ADGRL3: variants seen among roughly 807,000 people sequenced by gnomAD.
ADGRL3 encodes adhesion G protein-coupled receptor L3.
Under a neutral mutation model 153.5 loss-of-function variants are expected in ADGRL3, and 62 were observed. The observed-to-expected ratio is 0.40, with a 90% CI of 0.33 to 0.50. ADGRL3 has a LOEUF of 0.50. ADGRL3 is among the 20% of genes least tolerant of loss of function. The pLI is 0.47. For missense variants in ADGRL3, 1,641 were observed against 1,859.4 expected (o/e 0.88, Z 2.16); for synonymous variants, 710 against 672.5 (o/e 1.06, Z -0.86).
intron 1 of ADGRL3, among the ~76,000 whole-genome samples, chr4:61,203,962 A>C (rs954360006): frequency 6.6e-6 from 1 of 151,886 alleles, no homozygotes; most frequent in African/African-American, 2.4e-5. Context: ...TACATAGATA[A>C]ACACAGTTTA....
chr4:61,520,336 A>G (rs184144009), intron 4 of ADGRL3, among the ~76,000 whole-genome samples: 1 of 152,102 alleles, frequency 6.6e-6, no homozygotes, highest in African/African-American at 2.4e-5. Flanking sequence ...CAGCTGCATT[A>G]AAAAAGTTCA....
At chr4:61,726,199 CT>C (rs1012113549) in intron 6 of ADGRL3, among the ~76,000 whole-genome samples, 7 of 82,908 alleles carry the variant, frequency 8.4e-5, no homozygotes, top group African/African-American at 2.7e-4. Context: ...CTCACTGGAA[CT>C]TTTTTTTTTG....
At chr4:61,857,526 C>T (rs922248804) in intron 9 of ADGRL3, among the ~76,000 whole-genome samples, 4 of 151,636 alleles carry the variant, frequency 2.6e-5, no homozygotes, top group Non-Finnish European at 5.9e-5. Flanking sequence ...AAAACAGCCT[C>T]GAAGAGTGAT....
At chr4:61,833,762 C>T (rs1038639077) in intron 9 of ADGRL3, among the ~76,000 whole-genome samples, 11 of 152,028 alleles carry the variant, frequency 7.2e-5, no homozygotes, top group Non-Finnish European at 1.6e-4. Context: ...GCAAACTAGT[C>T]CCCAGGCAAG....
At chr4:61,930,437 G>A (rs2098813136) in intron 13 of ADGRL3, among the ~76,000 whole-genome samples, 1 of 152,002 alleles carries the variant, frequency 6.6e-6, no homozygotes, top group East Asian at 1.9e-4. Flanking sequence ...ACATCCTCTT[G>A]GAATAATGAC....
chr4:61,858,043 T>C (rs1268577699), intron 9 of ADGRL3, among the ~76,000 whole-genome samples: 1 of 152,182 alleles, frequency 6.6e-6, no homozygotes, highest in Non-Finnish European at 1.5e-5. Flanking sequence ...TGACTTCTCA[T>C]TATTGAAAGG....
intron 4 of ADGRL3, among the ~76,000 whole-genome samples, chr4:61,547,962 A>G (rs1406104561): frequency 6.6e-6 from 1 of 151,610 alleles, no homozygotes; most frequent in Non-Finnish European, 1.5e-5. Context: ...TGGTGTAAGA[A>G]GGTGGTTTTG....
chr4:61,865,305 T>G (rs1411198871), intron 9 of ADGRL3, among the ~76,000 whole-genome samples: 2 of 152,166 alleles, frequency 1.3e-5, no homozygotes, highest in Admixed American at 1.3e-4. Flanking sequence ...TGAAAGAAAT[T>G]ATTAGGCTTT....
rs1039636604 is a variant in ADGRL3, at chr4:61,415,409, A to T, written c.-174+32220A>T. On this transcript the variant is annotated intron_variant, in intron 2 of 26. Transcript: ENST00000683033. Reference sequence around the variant, plus strand: ...CTAAGGAAAGATAATTTGTTTTCCAACACAGTGTATCCAAAATAATTTCTG... The same window carrying T: ...CTAAGGAAAGATAATTTGTTTTCCATCACAGTGTATCCAAAATAATTTCTG... 4.6e-5 allele frequency among the ~76,000 whole-genome samples: 7 copies of T among 152,182 alleles called. No homozygotes were observed. In the South Asian group the frequency reaches 8.3e-4, roughly 18 times the overall value.
intron 1 of ADGRL3, among the ~76,000 whole-genome samples, chr4:61,224,697 C>T (rs1265691737): frequency 6.6e-6 from 1 of 152,152 alleles, no homozygotes; most frequent in Non-Finnish European, 1.5e-5. Context: ...TGAACTTGGT[C>T]CAGACTCAGC....
At chr4:61,296,046 A>G (rs1330659706) in intron 1 of ADGRL3, among the ~76,000 whole-genome samples, 1 of 152,176 alleles carries the variant, frequency 6.6e-6, no homozygotes, top group Non-Finnish European at 1.5e-5. Context: ...TAAAATTGAA[A>G]TTCTGTGGTT....
intron 8 of ADGRL3, among the ~76,000 whole-genome samples, chr4:61,754,635 A>ATTC (rs1456381801): frequency 4.6e-5 from 7 of 151,742 alleles, no homozygotes; most frequent in African/African-American, 1.7e-4. Flanking sequence ...TATTATTATT[A>ATTC]TACTTTAAGT....
At chr4:61,298,844 G>A (rs1176002199) in intron 1 of ADGRL3, among the ~76,000 whole-genome samples, 3 of 152,048 alleles carry the variant, frequency 2.0e-5, no homozygotes, top group Non-Finnish European at 4.4e-5. Context: ...AGGTTATAAA[G>A]GGTTCCATTT....
chr4:61,747,145 A>G (rs2096674621), intron 8 of ADGRL3, among the ~76,000 whole-genome samples: 1 of 152,138 alleles, frequency 6.6e-6, no homozygotes, highest in Non-Finnish European at 1.5e-5. Flanking sequence ...ACACCCTTCC[A>G]AGACTAAACC....
At chr4:61,420,401 C>CTTTTTTTTTTTTTTTTTTTTTTTT (rs36093010) in intron 2 of ADGRL3, 1 of 82,550 alleles carries the variant, frequency 1.2e-5, no homozygotes, top group Non-Finnish European at 2.2e-5. Context: ...CAAAGGAAAG[C>CTTTTTTTTTTTTTTTTTTTTTTTT]TTTTTTTTTT....
At chr4:61,474,049 T>C (rs2098009375) in intron 2 of ADGRL3, among the ~76,000 whole-genome samples, 1 of 152,090 alleles carries the variant, frequency 6.6e-6, no homozygotes, top group Admixed American at 6.6e-5. Flanking sequence ...TCTGTGAATA[T>C]TACAGAAGTA....
intron 2 of ADGRL3, among the ~76,000 whole-genome samples, chr4:61,479,341 G>T (rs1467724028): frequency 6.6e-6 from 1 of 151,844 alleles, no homozygotes; most frequent in Non-Finnish European, 1.5e-5. Flanking sequence ...TACACACACC[G>T]CCCCCCATGC....
chr4:61,649,615 C>A (rs1488569829), intron 5 of ADGRL3, among the ~76,000 whole-genome samples: 1 of 152,046 alleles, frequency 6.6e-6, no homozygotes, highest in African/African-American at 2.4e-5. Context: ...AACACAAAAC[C>A]TCCTCTGGGC....
chr4:61,421,586 A>C (rs1394826786), intron 2 of ADGRL3, among the ~76,000 whole-genome samples: 1 of 152,148 alleles, frequency 6.6e-6, no homozygotes, highest in African/African-American at 2.4e-5. Flanking sequence ...ATATTTCTAA[A>C]TGCTTTGATG....
Sources: gnomAD v4.1 joint callset for allele counts (sites outside exome capture counted in the v4.1 genomes callset) on GRCh38, gnomAD v4.1.1 for gene constraint, MANE v1.5 for transcripts, NCBI Gene and HGNC (gene_info 2026-07-23, HGNC 2026-07-21) for gene names.